Variants in CCDC149 observed in about 807,000 individuals in gnomAD.
CCDC149 encodes coiled-coil domain containing 149.
Under a neutral mutation model 59.9 loss-of-function variants are expected in CCDC149, and 45 were observed. That is an observed-to-expected ratio of 0.75 (90% CI 0.59 to 0.96). The LOEUF (loss-of-function observed/expected upper bound fraction) is 0.96, where lower values mean the gene tolerates loss of function less well. CCDC149 is among the 40% of genes least tolerant of loss of function. CCDC149 has a pLI of 0.00. For synonymous variants in CCDC149, 245 were observed against 260.6 expected (o/e 0.94, Z 0.58); for missense variants, 584 against 664.7 (o/e 0.88, Z 1.33).
intron 4 of CCDC149, among the ~76,000 whole-genome samples, chr4:24,847,996 A>G (rs1053156975): frequency 3.9e-5 from 6 of 152,328 alleles, no homozygotes; most frequent in Admixed American, 1.3e-4. Flanking sequence ...AATCCTTGGT[A>G]TCAGTTACCT....
intron 1 of CCDC149, among the ~76,000 whole-genome samples, chr4:24,909,698 T>C: frequency 6.6e-6 from 1 of 152,332 alleles, no homozygotes; most frequent in Non-Finnish European, 1.5e-5. Flanking sequence ...GTTTCCTCCA[T>C]AATGTTCTCG....
At chr4:24,932,239 C>T (rs1435969431) in intron 1 of CCDC149, among the ~76,000 whole-genome samples, 2 of 152,188 alleles carry the variant, frequency 1.3e-5, no homozygotes, top group South Asian at 2.1e-4. Flanking sequence ...CCAAAAGACA[C>T]TGCATACAAT....
intron 1 of CCDC149, among the ~76,000 whole-genome samples, chr4:24,953,901 G>A (rs148519869): frequency 1.3e-3 from 204 of 151,798 alleles, no homozygotes; most frequent in African/African-American, 4.7e-3. Flanking sequence ...TGAAACAAAA[G>A]GCTCACTAGA....
chr4:24,963,362 G>T (rs1723701001), intron 1 of CCDC149, among the ~76,000 whole-genome samples: 1 of 152,106 alleles, frequency 6.6e-6, no homozygotes, highest in African/African-American at 2.4e-5. Flanking sequence ...CAGCATTTAT[G>T]GGTGAACAGA....
At chr4:24,817,264 C>A (rs1715077778) in intron 12 of CCDC149, among the ~76,000 whole-genome samples, 1 of 152,120 alleles carries the variant, frequency 6.6e-6, no homozygotes, top group Non-Finnish European at 1.5e-5. Flanking sequence ...GGCAAAACCA[C>A]CAGCCAAGAC....
intron 12 of CCDC149, among the ~76,000 whole-genome samples, chr4:24,814,151 A>T (rs1714853337): frequency 6.6e-6 from 1 of 152,258 alleles, no homozygotes; most frequent in Admixed American, 6.5e-5. Context: ...ATTTAGTCAC[A>T]GACAACTATG....
chr4:24,826,728 G>T (rs966872213), intron 9 of CCDC149, among the ~76,000 whole-genome samples: 14 of 152,172 alleles, frequency 9.2e-5, no homozygotes, highest in Non-Finnish European at 2.9e-5. Flanking sequence ...GTTGAGAAGA[G>T]GCAACTTAGA....
chr4:24,962,007 A>G (rs1018197233), intron 1 of CCDC149, among the ~76,000 whole-genome samples: 6 of 151,450 alleles, frequency 4.0e-5, no homozygotes, highest in African/African-American at 1.5e-4. Context: ...AGAAACCACC[A>G]TCAGAGTGAA....
intron 1 of CCDC149, among the ~76,000 whole-genome samples, chr4:24,918,048 G>GAA (rs575468946): frequency 2.0e-5 from 3 of 149,206 alleles, no homozygotes; most frequent in African/African-American, 7.4e-5. Context: ...GAAGCCTTAT[G>GAA]AAAAAAAAAA....
chr4:24,843,507 T>C (rs1185801403), intron 4 of CCDC149, among the ~76,000 whole-genome samples: 2 of 152,186 alleles, frequency 1.3e-5, no homozygotes, highest in African/African-American at 2.4e-5. Context: ...AAACTGGACA[T>C]GAGAGATTAA....
At chr4:24,902,289 C>T (rs901787827) in intron 1 of CCDC149, among the ~76,000 whole-genome samples, 1 of 152,216 alleles carries the variant, frequency 6.6e-6, no homozygotes, top group Non-Finnish European at 1.5e-5. Flanking sequence ...GCAGACAATA[C>T]AGACTCAGTA....
chr4:24,823,152 T>C (rs774160438), intron 9 of CCDC149: 1 of 152,226 alleles, frequency 6.6e-6, no homozygotes, highest in Non-Finnish European at 1.5e-5. Context: ...ATTAAATAAA[T>C]GCCTTTCTTT....
chr4:24,833,902 G>A (rs1025900982), intron 8 of CCDC149, among the ~76,000 whole-genome samples: 1 of 152,102 alleles, frequency 6.6e-6, no homozygotes, highest in Non-Finnish European at 1.5e-5. Context: ...TTCATCATAG[G>A]TTTTCTAGAA....
At chr4:24,977,917 G>A (rs930898241) in intron 1 of CCDC149, among the ~76,000 whole-genome samples, 2 of 152,198 alleles carry the variant, frequency 1.3e-5, no homozygotes, top group African/African-American at 4.8e-5. Context: ...AGGATTGCTT[G>A]AGGTCAGGAG....
At chr4:24,956,784 G>A (rs1191398914) in intron 1 of CCDC149, among the ~76,000 whole-genome samples, 1 of 152,152 alleles carries the variant, frequency 6.6e-6, no homozygotes, top group Non-Finnish European at 1.5e-5. Flanking sequence ...CCACTAAGAA[G>A]GAAGCAGAAA....
chr4:24,929,405 C>T (rs868219273), intron 1 of CCDC149, among the ~76,000 whole-genome samples: 4 of 152,148 alleles, frequency 2.6e-5, no homozygotes, highest in African/African-American at 9.7e-5. Context: ...GCGCCACCAC[C>T]GCTATCATTT....
Position 24,906,828 on chromosome 4 carries a change from C to A in CCDC149, c.63+5989G>T, listed in dbSNP as rs545453785. Among the ~76,000 whole-genome samples the A allele has an allele frequency of 1.4e-4, 21 of 152,272 alleles. No individual in the cohort carries two copies. In the East Asian group the frequency reaches 4.1e-3, roughly 29 times the overall value. ...AAAAGTAGCATGGATGTGGTGCAGA[C>A]AGCCAGAGGGCCAGAGGACACCTGA... On this transcript the variant is annotated intron_variant, in intron 1 of 12. Transcript: ENST00000635206.
chr4:24,896,882 G>C (rs866882751), intron 1 of CCDC149, among the ~76,000 whole-genome samples: 3 of 152,140 alleles, frequency 2.0e-5, no homozygotes, highest in Non-Finnish European at 4.4e-5. Flanking sequence ...CAACGTCCTC[G>C]TGTTAATTCA....
chr4:24,875,303 C>A (rs1333994280), intron 2 of CCDC149, among the ~76,000 whole-genome samples: 2 of 150,662 alleles, frequency 1.3e-5, no homozygotes, highest in Non-Finnish European at 1.5e-5. Context: ...GCACTCCAGC[C>A]TGGGCCACAG....
Sources: allele counts gnomAD v4.1 joint callset (sites outside exome capture counted in the v4.1 genomes callset), GRCh38; gene constraint gnomAD v4.1.1; transcripts MANE v1.5; gene names NCBI Gene and HGNC (gene_info 2026-07-23, HGNC 2026-07-21).